The following TIMP2 variants were observed in gnomAD, a reference collection of about 807,000 sequenced individuals.
The protein encoded by TIMP2 is metalloproteinase inhibitor 2.
A neutral mutation model predicts 24.3 loss-of-function variants in TIMP2; 5 were observed. The observed-to-expected ratio is 0.21, with a 90% CI of 0.11 to 0.43. The LOEUF is 0.43. TIMP2 is among the 20% of genes least tolerant of loss of function. TIMP2 has a pLI of 1.00. For synonymous variants in TIMP2, 130 were observed against 123.2 expected, an observed-to-expected ratio of 1.06 and a Z score of -0.37; for missense variants, 221 against 297.5, an observed-to-expected ratio of 0.74 and a Z score of 1.89.
chr17:78,905,286 C>A (rs1386594375), intron 1 of TIMP2, among the ~76,000 whole-genome samples: 1 of 152,220 alleles, frequency 6.6e-6, no homozygotes. Flanking sequence ...CATTACTGCA[C>A]CAGTGACCCT....
At chr17:78,918,793 G>A (rs1167775322) in intron 1 of TIMP2, among the ~76,000 whole-genome samples, 1 of 152,148 alleles carries the variant, frequency 6.6e-6, no homozygotes, top group Non-Finnish European at 1.5e-5. Context: ...GAGCTCAGGA[G>A]TTCGAGACCA....
chr17:78,854,357 C>T lies in TIMP2; in HGVS notation c.*1310G>A, dbSNP rs2069507520. On this transcript the variant is annotated 3_prime_UTR_variant, in exon 5 of 5. Transcript: ENST00000262768. The stretch of plus-strand genomic sequence containing the variant: ...ACCACACTGAGGGAACACATAGGTT[C>T]CCTAGTTCCCTAGGAAGTTTCTTAG... 1 of 151,684 alleles carries T rather than the reference C, an allele frequency of 6.6e-6. No homozygotes were observed. The highest frequency in any genetic ancestry group is 1.5e-5 in the Non-Finnish European group (1 of 67,936). The allele number at this position is 151,684 out of a possible 1,614,324, so 9.4% of individuals were successfully genotyped here.
chr17:78,889,718 C>T (rs1478217678), intron 1 of TIMP2, among the ~76,000 whole-genome samples: 1 of 152,176 alleles, frequency 6.6e-6, no homozygotes. Context: ...GTGACATGAT[C>T]GGCTCTGGGA....
chr17:78,875,958 C>G (rs896555563), intron 1 of TIMP2, among the ~76,000 whole-genome samples: 1 of 152,222 alleles, frequency 6.6e-6, no homozygotes, highest in African/African-American at 2.4e-5. Flanking sequence ...GGAGCTGAGT[C>G]ATGACTGGCC....
At chr17:78,861,035 C>CAAAAAAA (rs33915258) in intron 3 of TIMP2, among the ~76,000 whole-genome samples, 1 of 141,792 alleles carries the variant, frequency 7.1e-6, no homozygotes, top group Admixed American at 7.1e-5. Context: ...GACTCCGTCT[C>CAAAAAAA]AAAAAAAAAA....
chr17:78,918,080 A>ACT (rs1555652986), intron 1 of TIMP2, among the ~76,000 whole-genome samples: 72 of 150,848 alleles, frequency 4.8e-4, no homozygotes, highest in South Asian at 1.3e-3. Flanking sequence ...ACACACACAC[A>ACT]CACACACACA....
intron 3 of TIMP2, among the ~76,000 whole-genome samples, chr17:78,862,226 C>G (rs1034584491): frequency 2.0e-5 from 3 of 152,228 alleles, no homozygotes; most frequent in African/African-American, 7.2e-5. Context: ...CATGCGGTCA[C>G]TCACTGGCCA....
chr17:78,890,517 A>G (rs1373807734), intron 1 of TIMP2: 1 of 1,207,888 alleles, frequency 8.3e-7, no homozygotes, highest in South Asian at 1.6e-5. Flanking sequence ...CAGATTGCCC[A>G]TTTTAAAGAG....
chr17:78,916,976 G>A (rs890952068), intron 1 of TIMP2, among the ~76,000 whole-genome samples: 2 of 152,222 alleles, frequency 1.3e-5, no homozygotes, highest in Admixed American at 1.3e-4. Flanking sequence ...CTAGCAAGAG[G>A]TGCAGCCTGC....
chr17:78,861,183 C>T (rs1053655635), intron 3 of TIMP2, among the ~76,000 whole-genome samples: 3 of 152,162 alleles, frequency 2.0e-5, no homozygotes, highest in African/African-American at 7.2e-5. Context: ...TGGCATTTGG[C>T]GCCCATACAG....
rs569088935 is a variant in TIMP2 at position 78,919,911 on chromosome 17, C to T, written c.130+5048G>A. Among the ~76,000 whole-genome samples, 66 of 152,272 alleles carry T rather than the reference C, an allele frequency of 4.3e-4. 2 individuals are homozygous for T. In the South Asian group the frequency reaches 0.011, roughly 25 times the overall value. The stretch of plus-strand genomic sequence containing the variant: ...TCCGTCCCTGGTTTGTGAGCCTGTG[C>T]GTGCACCGGGGGACAGAGAGAGTGT... On this transcript the variant is annotated intron_variant, in intron 1 of 4. Transcript: ENST00000262768.
intron 1 of TIMP2, chr17:78,892,197 T>C (rs1458086346): frequency 5.2e-6 from 8 of 1,550,938 alleles, no homozygotes; most frequent in Non-Finnish European, 6.1e-6. Flanking sequence ...TGGTAGTTTT[T>C]CCACAGCTTG....
At chr17:78,878,270 T>C (rs1273936620) in intron 1 of TIMP2, among the ~76,000 whole-genome samples, 1 of 152,114 alleles carries the variant, frequency 6.6e-6, no homozygotes, top group East Asian at 1.9e-4. Flanking sequence ...TGCGTGATCT[T>C]TGAGAAGCTC....
At chr17:78,917,927 C>G (rs768479676) in intron 1 of TIMP2, among the ~76,000 whole-genome samples, 2 of 152,144 alleles carry the variant, frequency 1.3e-5, no homozygotes, top group Non-Finnish European at 2.9e-5. Context: ...CAGATACTCA[C>G]AAGAAACAGA....
intron 2 of TIMP2, among the ~76,000 whole-genome samples, chr17:78,871,449 CAAAAAAA>C (rs749440079): frequency 8.2e-6 from 1 of 122,566 alleles, no homozygotes; most frequent in South Asian, 2.9e-4. Context: ...AAGACTCCGT[CAAAAAAA>C]AAAAAAAAAA....
At chr17:78,860,030 G>T (rs2069555257) in intron 3 of TIMP2, among the ~76,000 whole-genome samples, 2 of 151,882 alleles carry the variant, frequency 1.3e-5, no homozygotes, top group Admixed American at 6.6e-5. Context: ...CAAAAAATTA[G>T]CCGGGTGTGG....
At chr17:78,874,382 G>T (rs1339662196) in intron 1 of TIMP2, among the ~76,000 whole-genome samples, 1 of 152,124 alleles carries the variant, frequency 6.6e-6, no homozygotes, top group East Asian at 1.9e-4. Flanking sequence ...TTCCGCGAAG[G>T]ATGGGACATT....
At position 78,925,234 on chromosome 17, in the gene TIMP2, T is replaced by C; in HGVS notation, c.-146A>G. 1 of 152,954 alleles carries C rather than the reference T, an allele frequency of 6.5e-6. No individual in the cohort carries two copies. Among genetic ancestry groups the C allele is most frequent in the Non-Finnish European group, 1.3e-5 (1 of 78,288 alleles). 9.5% of individuals were successfully genotyped at this position (152,954 alleles called of 1,614,324 possible). A position where few individuals can be genotyped will look rare whatever the true frequency, so the allele number is the denominator to read the frequency against. On this transcript the variant is annotated 5_prime_UTR_variant, in exon 1 of 5. Transcript: ENST00000262768. ...GGCTCACCCTCCTCACCTGCCCCGC[T>C]CGGCCGCGCAAACTTTCTCTCCTCT... is the stretch of plus-strand genomic sequence containing the variant.
At chr17:78,916,928 C>T (rs7222767) in intron 1 of TIMP2, among the ~76,000 whole-genome samples, 9,935 of 152,252 alleles carry the variant, frequency 0.065, 398 homozygotes, top group Middle Eastern at 0.13. Context: ...CCCTCAGGGC[C>T]CACAATCTCA....
Sources: allele counts gnomAD v4.1 joint callset (sites outside exome capture counted in the v4.1 genomes callset), GRCh38; gene constraint gnomAD v4.1.1; transcripts MANE v1.5; gene names NCBI Gene and HGNC (gene_info 2026-07-23, HGNC 2026-07-21).